PELI2: variants seen among roughly 807,000 people sequenced by gnomAD.
PELI2 encodes E3 ubiquitin-protein ligase pellino homolog 2.
In PELI2, 23 loss-of-function variants were observed where a neutral mutation model predicts 42.3. The observed-to-expected ratio is 0.54, with a 90% confidence interval of 0.39 to 0.77. The LOEUF is 0.77. PELI2 is among the 30% of genes least tolerant of loss of function. PELI2 has a pLI of 0.00. For synonymous variants in PELI2, 245 were observed against 212.2 expected (o/e 1.15, Z -1.34); for missense variants, 463 against 553.2 (o/e 0.84, Z 1.64).
chr14:56,220,641 C>CA (rs889744610), intron 2 of PELI2, among the ~76,000 whole-genome samples: 4 of 151,534 alleles, frequency 2.6e-5, no homozygotes, highest in African/African-American at 9.7e-5. Context: ...CAATGAAAAG[C>CA]AAAAAAGGAG....
At chr14:56,269,262 G>C (rs1243817120) in intron 2 of PELI2, among the ~76,000 whole-genome samples, 1 of 152,006 alleles carries the variant, frequency 6.6e-6, no homozygotes, top group Non-Finnish European at 1.5e-5. Flanking sequence ...CCAACGTGGA[G>C]AAAACCCATC....
intron 1 of PELI2, among the ~76,000 whole-genome samples, chr14:56,131,144 C>T (rs931682848): frequency 3.9e-5 from 6 of 152,154 alleles, no homozygotes; most frequent in African/African-American, 1.4e-4. Context: ...TAACTTGTTC[C>T]AGCAGTGGCA....
Position 56,297,849 on chromosome 14 carries a change from A to C in PELI2, c.*683A>C, listed in dbSNP as rs79588325. Reference sequence around the variant, plus strand: ...CATGGGACTTCACAAACAATTTTCCATAACTTTTTAGCCTGTCTTTTGTTA... The same window carrying C: ...CATGGGACTTCACAAACAATTTTCCCTAACTTTTTAGCCTGTCTTTTGTTA... On this transcript the variant is annotated 3_prime_UTR_variant, in exon 6 of 6. Transcript: ENST00000267460. The C allele has an allele frequency of 6.6e-6, 1 of 151,656 alleles. No homozygotes were observed. Among genetic ancestry groups the C allele is most frequent in the Non-Finnish European group, 1.5e-5 (1 of 67,980 alleles). 9.4% of individuals were successfully genotyped at this position (151,656 alleles called of 1,614,324 possible).
intron 3 of PELI2, among the ~76,000 whole-genome samples, chr14:56,285,389 G>A (rs1302552460): frequency 6.6e-6 from 1 of 152,164 alleles, no homozygotes; most frequent in African/African-American, 2.4e-5. Context: ...GGTGAAGGGG[G>A]ATCCAAGTTC....
intron 2 of PELI2, 74 bp from the exon 3 acceptor site, chr14:56,279,602 C>G (rs1889407542): frequency 2.4e-6 from 2 of 830,946 alleles, no homozygotes; most frequent in Non-Finnish European, 3.9e-6. Context: ...AGAGTGGTGG[C>G]TCATAACTAC....
chr14:56,269,877 T>C (rs1889036319), intron 2 of PELI2, among the ~76,000 whole-genome samples: 1 of 152,224 alleles, frequency 6.6e-6, no homozygotes, highest in Admixed American at 6.5e-5. Context: ...TGCCCAACTC[T>C]CTGGCTGCAG....
intron 2 of PELI2, among the ~76,000 whole-genome samples, chr14:56,260,300 T>C (rs1181664220): frequency 6.6e-6 from 1 of 152,058 alleles, no homozygotes; most frequent in African/African-American, 2.4e-5. Context: ...TAACTACTAA[T>C]AGAGAAAAAG....
intron 2 of PELI2, among the ~76,000 whole-genome samples, chr14:56,187,073 A>G (rs191015292): frequency 6.6e-6 from 1 of 152,332 alleles, no homozygotes; most frequent in East Asian, 1.9e-4. Flanking sequence ...AAAAAGTTCA[A>G]GGAAGCTCAG....
rs1889607685 is a variant in PELI2, at chr14:56,285,248, T to C, written c.310-3189T>C. On this transcript the variant is annotated intron_variant, in intron 3 of 5. Transcript: ENST00000267460. Reference sequence around the variant, plus strand: ...GAAGGATTGAGGATGTGTTTGGAGGTACAGCTGACAGTGTTTACACAGGGC... The same window carrying C: ...GAAGGATTGAGGATGTGTTTGGAGGCACAGCTGACAGTGTTTACACAGGGC... 3.9e-5 allele frequency among the ~76,000 whole-genome samples: 6 copies of C among 152,096 alleles called. No homozygotes were observed. The South Asian group carries it at 1.2e-3, about 32-fold the overall frequency.
chr14:56,269,974 C>T (rs1889039806), intron 2 of PELI2, among the ~76,000 whole-genome samples: 1 of 152,174 alleles, frequency 6.6e-6, no homozygotes, highest in Non-Finnish European at 1.5e-5. Flanking sequence ...CTTCTTTGTA[C>T]TTGAGCGTGA....
intron 2 of PELI2, among the ~76,000 whole-genome samples, chr14:56,264,768 C>G (rs973374136): frequency 2.6e-5 from 4 of 152,104 alleles, no homozygotes; most frequent in Non-Finnish European, 5.9e-5. Context: ...ACACAGAAAA[C>G]AATTATTTGA....
At chr14:56,201,133 T>A (rs1406260693) in intron 2 of PELI2, among the ~76,000 whole-genome samples, 1 of 152,246 alleles carries the variant, frequency 6.6e-6, no homozygotes, top group Non-Finnish European at 1.5e-5. Context: ...AGATAAATGT[T>A]CACTGTCTCT....
intron 2 of PELI2, among the ~76,000 whole-genome samples, chr14:56,217,453 C>G (rs1448278051): frequency 2.0e-5 from 3 of 152,214 alleles, no homozygotes; most frequent in Non-Finnish European, 4.4e-5. Context: ...AAGAGGAGGA[C>G]TCCTCTGGCA....
At chr14:56,218,728 T>TGA (rs575121511) in intron 2 of PELI2, among the ~76,000 whole-genome samples, 59,207 of 151,070 alleles carry the variant, frequency 0.39, 12,515 homozygotes, top group South Asian at 0.53. Context: ...TGTGTGTGTT[T>TGA]GAGAGAGAGA....
At chr14:56,194,411 C>G (rs1886058665) in intron 2 of PELI2, among the ~76,000 whole-genome samples, 1 of 152,154 alleles carries the variant, frequency 6.6e-6, no homozygotes, top group Admixed American at 6.5e-5. Context: ...TCCTTAATAC[C>G]AGGCCCCACT....
intron 2 of PELI2, among the ~76,000 whole-genome samples, chr14:56,207,471 T>C (rs1234216547): frequency 6.6e-6 from 1 of 152,196 alleles, no homozygotes; most frequent in Non-Finnish European, 1.5e-5. Flanking sequence ...GCAAGAAAAT[T>C]TGAAGTCCCA....
intron 2 of PELI2, among the ~76,000 whole-genome samples, chr14:56,246,374 A>T (rs936616078): frequency 4.6e-5 from 7 of 152,214 alleles, no homozygotes; most frequent in African/African-American, 1.7e-4. Context: ...AAACAGAAAA[A>T]GTCAACATTT....
intron 1 of PELI2, among the ~76,000 whole-genome samples, chr14:56,149,627 A>G (rs1884263403): frequency 1.3e-5 from 2 of 151,802 alleles, no homozygotes; most frequent in South Asian, 4.2e-4. Context: ...AAACTACATC[A>G]CAGTGTGAAA....
At chr14:56,139,707 A>T (rs900810048) in intron 1 of PELI2, among the ~76,000 whole-genome samples, 5 of 152,078 alleles carry the variant, frequency 3.3e-5, no homozygotes, top group Non-Finnish European at 7.3e-5. Context: ...TTTTAAAGAT[A>T]ATTTTCTAAA....
Sources: gnomAD v4.1 joint callset for allele counts (sites outside exome capture counted in the v4.1 genomes callset) on GRCh38, gnomAD v4.1.1 for gene constraint, MANE v1.5 for transcripts, NCBI Gene and HGNC (gene_info 2026-07-23, HGNC 2026-07-21) for gene names.